Variants in ST6GALNAC3 observed in about 807,000 individuals in gnomAD.
The protein encoded by ST6GALNAC3 is alpha-N-acetylgalactosaminide alpha-2,6-sialyltransferase 3.
ST6GALNAC3 carries 25 observed loss-of-function variants against 32.7 expected under a neutral mutation model. The observed-to-expected ratio is 0.76, with a 90% CI of 0.56 to 1.07. The LOEUF (loss-of-function observed/expected upper bound fraction) is 1.07, where lower values mean the gene tolerates loss of function less well. ST6GALNAC3 is among the 50% of genes least tolerant of loss of function. The probability of loss-of-function intolerance (pLI) is 0.00; values close to 1 mark genes in which losing one functional copy is unlikely to be tolerated. For synonymous variants in ST6GALNAC3, 129 were observed against 133.1 expected (o/e 0.97, Z 0.21); for missense variants, 355 against 382.4 (o/e 0.93, Z 0.60).
At chr1:76,432,314 T>C (rs1461296063) in intron 3 of ST6GALNAC3, among the ~76,000 whole-genome samples, 1 of 152,194 alleles carries the variant, frequency 6.6e-6, no homozygotes, top group Non-Finnish European at 1.5e-5. Context: ...ATGGATAGAG[T>C]TGCTATAAAT....
At chr1:76,271,717 G>A (rs1187498351) in intron 1 of ST6GALNAC3, among the ~76,000 whole-genome samples, 1 of 152,190 alleles carries the variant, frequency 6.6e-6, no homozygotes, top group Non-Finnish European at 1.5e-5. Context: ...TTATGCTTTA[G>A]AAAGACTACT....
intron 3 of ST6GALNAC3, among the ~76,000 whole-genome samples, chr1:76,446,251 C>G (rs1178866315): frequency 1.3e-5 from 2 of 152,094 alleles, no homozygotes. Context: ...ATACCCTTAT[C>G]CCCACATGCA....
intron 3 of ST6GALNAC3, among the ~76,000 whole-genome samples, chr1:76,544,827 G>T (rs72989995): frequency 0.014 from 2,093 of 152,288 alleles, 37 homozygotes; most frequent in African/African-American, 0.046. Context: ...GAATAAGCAT[G>T]ATGGAAGTTA....
chr1:76,149,331 G>T (rs776092102), intron 1 of ST6GALNAC3, among the ~76,000 whole-genome samples: 1 of 152,140 alleles, frequency 6.6e-6, no homozygotes, highest in Non-Finnish European at 1.5e-5. Context: ...AGAAGAGAAG[G>T]CTCAAACATG....
intron 1 of ST6GALNAC3, among the ~76,000 whole-genome samples, chr1:76,104,730 T>A (rs61217794): frequency 0.063 from 9,555 of 151,822 alleles, 1,027 homozygotes; most frequent in African/African-American, 0.22. Context: ...GATAAAGACA[T>A]ACCTGAGACT....
intron 1 of ST6GALNAC3, among the ~76,000 whole-genome samples, chr1:76,276,271 A>G (rs573923073): frequency 6.6e-6 from 1 of 152,044 alleles, no homozygotes; most frequent in African/African-American, 2.4e-5. Context: ...TTCCTTAGCA[A>G]TGCCTCCTAT....
At chr1:76,492,820 A>G (rs1660583600) in intron 3 of ST6GALNAC3, among the ~76,000 whole-genome samples, 1 of 152,194 alleles carries the variant, frequency 6.6e-6, no homozygotes, top group South Asian at 2.1e-4. Context: ...GGGGTCCCAC[A>G]GATCTATTGC....
chr1:76,095,475 G>T (rs1647114647), intron 1 of ST6GALNAC3, among the ~76,000 whole-genome samples: 2 of 152,138 alleles, frequency 1.3e-5, no homozygotes, highest in Non-Finnish European at 2.9e-5. Flanking sequence ...GAATGCAGAT[G>T]GGGTGGTTGG....
intron 3 of ST6GALNAC3, among the ~76,000 whole-genome samples, chr1:76,442,472 T>G (rs747175771): frequency 2.7e-4 from 41 of 152,244 alleles, no homozygotes; most frequent in Non-Finnish European, 4.6e-4. Context: ...AGTTCAGAGG[T>G]GATTGTACTA....
At chr1:76,542,527 A>G (rs1664052191) in intron 3 of ST6GALNAC3, among the ~76,000 whole-genome samples, 1 of 152,208 alleles carries the variant, frequency 6.6e-6, no homozygotes, top group Non-Finnish European at 1.5e-5. Flanking sequence ...GGCCTCAGCT[A>G]CATGGCTACA....
intron 3 of ST6GALNAC3, among the ~76,000 whole-genome samples, chr1:76,562,898 AG>A (rs1364118984): frequency 6.6e-6 from 1 of 152,180 alleles, no homozygotes. Flanking sequence ...ATGTGGTGTC[AG>A]ACCAGCTTTC....
chr1:76,160,071 C>T (rs1651717704), intron 1 of ST6GALNAC3, among the ~76,000 whole-genome samples: 1 of 152,016 alleles, frequency 6.6e-6, no homozygotes, highest in Non-Finnish European at 1.5e-5. Context: ...AAGGTATTTT[C>T]TGAACTGATA....
intron 1 of ST6GALNAC3, among the ~76,000 whole-genome samples, chr1:76,081,690 C>A (rs1236510059): frequency 2.0e-5 from 3 of 152,100 alleles, no homozygotes; most frequent in Non-Finnish European, 4.4e-5. Flanking sequence ...TTATGTGAAC[C>A]TATGTGTCCT....
intron 1 of ST6GALNAC3, among the ~76,000 whole-genome samples, chr1:76,250,446 C>T (rs896167878): frequency 6.6e-6 from 1 of 152,190 alleles, no homozygotes. Context: ...AAGTGAGACA[C>T]ACCAGCCAAG....
chr1:76,390,661 T>C (rs1652461304), intron 2 of ST6GALNAC3, among the ~76,000 whole-genome samples: 1 of 152,168 alleles, frequency 6.6e-6, no homozygotes, highest in African/African-American at 2.4e-5. Context: ...TGCTCAGAGC[T>C]TGCCAGCCCC....
chr1:76,595,613 T>C (rs1015775568), intron 3 of ST6GALNAC3, among the ~76,000 whole-genome samples: 1 of 152,120 alleles, frequency 6.6e-6, no homozygotes, highest in Non-Finnish European at 1.5e-5. Context: ...CTTTAGCATA[T>C]ACTAACCTTC....
Position 76,543,402 on chromosome 1 carries a change from G to A in ST6GALNAC3, c.624-84050G>A, listed in dbSNP as rs78505633. 2.6e-3 allele frequency among the ~76,000 whole-genome samples: 403 copies of A among 152,254 alleles called. 1 individual carries two copies. Among genetic ancestry groups the A allele is most frequent in the African/African-American group, 9.2e-3 (381 of 41,550 alleles). On this transcript the variant is annotated intron_variant, in intron 3 of 4. Coordinates refer to ENST00000328299, the MANE Select transcript of ST6GALNAC3 (RefSeq NM_152996.4). ...CTTGTCTTTCTAATTAATAGACCACGTATTATGAATTGGGATACTGTAGAG... is the reference window on the plus strand; with the variant it reads ...CTTGTCTTTCTAATTAATAGACCACATATTATGAATTGGGATACTGTAGAG...
chr1:76,624,901 C>T lies in ST6GALNAC3; in HGVS notation c.624-2551C>T, dbSNP rs891279390. 5.9e-5 allele frequency among the ~76,000 whole-genome samples: 9 copies of T among 151,902 alleles called. No individual in the cohort carries two copies. In the South Asian group the frequency reaches 1.5e-3, roughly 25 times the overall value. On this transcript the variant is annotated intron_variant, in intron 3 of 4. Coordinates refer to ENST00000328299, the MANE Select transcript of ST6GALNAC3 (RefSeq NM_152996.4). ...CAAGGGAGCATGAAATGTGATCTGACGTATTCACATGTTTGCTCATTACAA... is the reference window on the plus strand; with the variant it reads ...CAAGGGAGCATGAAATGTGATCTGATGTATTCACATGTTTGCTCATTACAA...
chr1:76,275,538 G>A (rs1347301321), intron 1 of ST6GALNAC3, among the ~76,000 whole-genome samples: 1 of 151,958 alleles, frequency 6.6e-6, no homozygotes, highest in Non-Finnish European at 1.5e-5. Flanking sequence ...ACTCAGACAG[G>A]GCCCAGGATC....
Sources: gnomAD v4.1 joint callset for allele counts (sites outside exome capture counted in the v4.1 genomes callset) on GRCh38, gnomAD v4.1.1 for gene constraint, MANE v1.5 for transcripts, NCBI Gene and HGNC (gene_info 2026-07-23, HGNC 2026-07-21) for gene names.